CFAP97: variants seen among roughly 807,000 people sequenced by gnomAD.
CFAP97 encodes the protein cilia- and flagella-associated protein 97.
A neutral mutation model predicts 43.1 loss-of-function variants in CFAP97; 36 were observed. The ratio of observed to expected loss-of-function variants is 0.84; its 90% CI spans 0.64 to 1.10. CFAP97 has a LOEUF of 1.10. CFAP97 is among the 50% of genes least tolerant of loss of function. The probability of loss-of-function intolerance (pLI) is 0.00; values close to 1 mark genes in which losing one functional copy is unlikely to be tolerated. For missense variants in CFAP97, 657 were observed against 620.3 expected (o/e 1.06, Z -0.63); for synonymous variants, 228 against 225.7 (o/e 1.01, Z -0.09).
At chr4:185,181,753 C>T (rs1181607320) in intron 2 of CFAP97, among the ~76,000 whole-genome samples, 1 of 152,114 alleles carries the variant, frequency 6.6e-6, no homozygotes, top group Admixed American at 6.5e-5. Flanking sequence ...TTTTGCTTTT[C>T]TTAAATGTTT....
chr4:185,199,354 G>A (rs980341630), intron 1 of CFAP97, among the ~76,000 whole-genome samples: 4 of 151,752 alleles, frequency 2.6e-5, no homozygotes, highest in African/African-American at 9.7e-5. Flanking sequence ...CTGGGTGACA[G>A]AGCAAGACTC....
At chr4:185,177,734 C>G (rs1018029371) in intron 2 of CFAP97, among the ~76,000 whole-genome samples, 2 of 152,150 alleles carry the variant, frequency 1.3e-5, no homozygotes, top group African/African-American at 2.4e-5. Flanking sequence ...ACTCAGGAGG[C>G]TGAGGCAGGA....
chr4:185,207,520 C>CT (rs1185927043), upstream of CFAP97, among the ~76,000 whole-genome samples: 1 of 152,072 alleles, frequency 6.6e-6, no homozygotes, highest in Non-Finnish European at 1.5e-5. Context: ...GCCTGGCCAA[C>CT]TATCCACTTT....
intron 3 of CFAP97, among the ~76,000 whole-genome samples, chr4:185,174,452 C>T (rs1735435888): frequency 6.6e-6 from 1 of 152,138 alleles, no homozygotes; most frequent in African/African-American, 2.4e-5. Context: ...GTAATCCTAG[C>T]TTCCCAACTC....
intron 2 of CFAP97, among the ~76,000 whole-genome samples, chr4:185,186,976 A>G (rs758407023): frequency 6.6e-6 from 1 of 152,208 alleles, no homozygotes; most frequent in Non-Finnish European, 1.5e-5. Flanking sequence ...TGTCAACCCA[A>G]TAAATCATCC....
intron 3 of CFAP97, among the ~76,000 whole-genome samples, chr4:185,172,873 C>A (rs6552870): frequency 7.2e-5 from 10 of 138,664 alleles, no homozygotes; most frequent in East Asian, 2.2e-4. Context: ...AAAAAAAAAG[C>A]ATTGGCTCAC....
chr4:185,192,688 A>G (rs1736322126), intron 1 of CFAP97, among the ~76,000 whole-genome samples: 1 of 151,390 alleles, frequency 6.6e-6, no homozygotes, highest in South Asian at 2.1e-4. Flanking sequence ...GATAAGCTTA[A>G]GATCAGACTT....
At chr4:185,165,960 A>G (rs1735054276) in intron 3 of CFAP97, among the ~76,000 whole-genome samples, 1 of 152,302 alleles carries the variant, frequency 6.6e-6, no homozygotes, top group South Asian at 2.1e-4. Flanking sequence ...TGTTATAGAA[A>G]CAAAAGGAGG....
intron 1 of CFAP97, among the ~76,000 whole-genome samples, chr4:185,203,193 CCT>C (rs1283991472): frequency 6.6e-6 from 1 of 151,806 alleles, no homozygotes; most frequent in Non-Finnish European, 1.5e-5. Context: ...AGAGCGAGAC[CCT>C]GTCTCAAAAA....
upstream of CFAP97, among the ~76,000 whole-genome samples, chr4:185,205,837 T>C (rs3112882): frequency 0.45 from 68,801 of 151,712 alleles, 16,253 homozygotes; most frequent in East Asian, 0.59. Context: ...TCTAAATAAA[T>C]AAACAAACTG....
intron 3 of CFAP97, among the ~76,000 whole-genome samples, chr4:185,167,991 T>G (rs1345420476): frequency 8.5e-6 from 1 of 117,700 alleles, no homozygotes; most frequent in Non-Finnish European, 1.7e-5. Context: ...AGTGTAAGAC[T>G]CCTTCTCAAA....
intron 1 of CFAP97, among the ~76,000 whole-genome samples, chr4:185,192,887 C>A: frequency 6.6e-6 from 1 of 151,930 alleles, no homozygotes; most frequent in Non-Finnish European, 1.5e-5. Flanking sequence ...ACTACAGGCG[C>A]CCGCCACCAC....
In CFAP97 at chr4:185,190,807, A is replaced by T. The variant is rs1175177480; in HGVS notation, c.390T>A (p.Asp130Glu). Reference sequence around the variant, plus strand: ...TGCTTTCCTCTCCATCTGTGTAGTAATCATCTTCACCTTCTTTTACAATTT... The same window carrying T: ...TGCTTTCCTCTCCATCTGTGTAGTATTCATCTTCACCTTCTTTTACAATTT... Reference protein sequence around the residue: ...IPKIVKEGEDDYYTDGEESSD... With the variant: ...IPKIVKEGEDEYYTDGEESSD... Residue 130 changes from aspartate (D) to glutamate (E), a missense_variant, in exon 2 of 5, where the codon GAT (aspartate) becomes GAA (glutamate). Coordinates refer to ENST00000458385, the MANE Select transcript of CFAP97 (RefSeq NM_020827.3). The T allele has an allele frequency of 6.2e-7, 1 of 1,603,494 alleles. No homozygotes were observed. The highest frequency in any genetic ancestry group is 8.5e-7 in the Non-Finnish European group (1 of 1,172,482).
At chr4:185,200,150 C>A (rs895837387) in intron 1 of CFAP97, among the ~76,000 whole-genome samples, 6 of 152,132 alleles carry the variant, frequency 3.9e-5, no homozygotes, top group Admixed American at 2.0e-4. Flanking sequence ...TGATTCTAAC[C>A]CTTATGGATA....
At chr4:185,209,887 G>T (rs1282598180), upstream of CFAP97, 25 of 983,156 alleles carry the variant, frequency 2.5e-5, no homozygotes, top group Non-Finnish European at 3.0e-5. The surrounding 1 kb of genome is among the most constrained non-coding windows in gnomAD (Gnocchi z 5.2). Flanking sequence ...GGCCGCAGGC[G>T]CCGGCGGCCG....
In CFAP97 at chr4:185,191,178, T is replaced by C. The variant is rs1393507860; in HGVS notation, c.19A>G (p.Ile7Val). 3.8e-6 allele frequency: 6 copies of C among 1,581,708 alleles called. No individual in the cohort carries two copies. In the East Asian group the frequency reaches 6.7e-5, roughly 18 times the overall value. ...GAATGGTCCACTTCACCTTCTAATATATCTCCAAACTGATCCATGATGGCA... is the reference window on the plus strand; with the variant it reads ...GAATGGTCCACTTCACCTTCTAATACATCTCCAAACTGATCCATGATGGCA... The part of the protein sequence containing the change: MDQFGD[I>V]LEGEVDHSFF... Residue 7 changes from isoleucine to valine, a missense_variant, in exon 2 of 5, where the codon ATA (isoleucine) becomes GTA (valine). Physicochemically the swap from Ile to Val is conservative, Grantham distance 29. Coordinates refer to ENST00000458385, the MANE Select transcript of CFAP97 (RefSeq NM_020827.3).
intron 1 of CFAP97, among the ~76,000 whole-genome samples, chr4:185,194,127 G>A (rs898229647): frequency 3.9e-5 from 6 of 152,180 alleles, no homozygotes; most frequent in African/African-American, 1.4e-4. Context: ...CGACTGCAGA[G>A]CTAAGTAGCT....
intron 1 of CFAP97, among the ~76,000 whole-genome samples, chr4:185,197,969 T>C (rs1009906450): frequency 6.6e-6 from 1 of 152,174 alleles, no homozygotes; most frequent in African/African-American, 2.4e-5. Context: ...AGAGCCTTAC[T>C]GCTGATATGG....
intron 3 of CFAP97, among the ~76,000 whole-genome samples, chr4:185,165,858 T>A (rs961549854): frequency 3.3e-5 from 5 of 152,124 alleles, no homozygotes; most frequent in African/African-American, 9.7e-5. Flanking sequence ...CCATGCTGAG[T>A]TCCTGAGCAA....
Sources: allele counts gnomAD v4.1 joint callset (sites outside exome capture counted in the v4.1 genomes callset), GRCh38; gene constraint gnomAD v4.1.1; non-coding constraint Gnocchi (gnomAD v3.1); transcripts MANE v1.5; gene names NCBI Gene and HGNC (gene_info 2026-07-23, HGNC 2026-07-21).